TMEM117: variants seen among roughly 807,000 people sequenced by gnomAD.
TMEM117 encodes the protein transmembrane protein 117.
In TMEM117, 27 loss-of-function variants were observed where a neutral mutation model predicts 52.4. The ratio of observed to expected loss-of-function variants is 0.51; its 90% CI spans 0.38 to 0.71. The LOEUF is 0.71. Ranked by LOEUF, TMEM117 falls within the 30% of genes least tolerant of loss-of-function variation. TMEM117 has a pLI of 0.00. For missense variants in TMEM117, 556 were observed against 630.5 expected, an observed-to-expected ratio of 0.88 and a Z score of 1.26; for synonymous variants, 215 against 206.3, an observed-to-expected ratio of 1.04 and a Z score of -0.36.
At chr12:44,086,683 A>C (rs980974008) in intron 3 of TMEM117, among the ~76,000 whole-genome samples, 3 of 152,096 alleles carry the variant, frequency 2.0e-5, no homozygotes, top group African/African-American at 4.8e-5. Context: ...GATAGATCAG[A>C]GATTCAAATG....
the TMEM117 span, among the ~76,000 whole-genome samples, chr12:43,811,881 T>C: frequency 6.6e-6 from 1 of 152,358 alleles, no homozygotes; most frequent in East Asian, 1.9e-4. Context: ...AGCAGCTAAA[T>C]ATGCCTTGGT....
chr12:43,988,898 C>T (rs1432239333), intron 3 of TMEM117, among the ~76,000 whole-genome samples: 4 of 152,104 alleles, frequency 2.6e-5, no homozygotes, highest in African/African-American at 9.6e-5. Flanking sequence ...TAATTATAAG[C>T]ACCTTTTCCT....
chr12:44,248,038 G>A (rs114954669), intron 5 of TMEM117, among the ~76,000 whole-genome samples: 1,746 of 152,268 alleles, frequency 0.011, 22 homozygotes, highest in South Asian at 0.052. Flanking sequence ...TTCCAGTTTG[G>A]GTCTCAGGTT....
chr12:43,953,374 A>G (rs751460622), intron 3 of TMEM117, among the ~76,000 whole-genome samples: 1 of 152,208 alleles, frequency 6.6e-6, no homozygotes, highest in Non-Finnish European at 1.5e-5. Flanking sequence ...TACAAAGACA[A>G]GACCCACCGG....
the TMEM117 span, chr12:43,806,459 G>T: frequency 2.0e-6 from 2 of 1,005,694 alleles, no homozygotes; most frequent in Non-Finnish European, 2.5e-6. Flanking sequence ...CCCCGGCCTC[G>T]CTATCCTAGT....
intron 6 of TMEM117, among the ~76,000 whole-genome samples, chr12:44,316,071 A>G (rs1034876293): frequency 8.5e-5 from 13 of 152,126 alleles, no homozygotes; most frequent in Admixed American, 1.3e-4. Flanking sequence ...ATTTTCACTC[A>G]AGGTTAATAT....
At chr12:44,267,924 A>G (rs556713621) in intron 5 of TMEM117, among the ~76,000 whole-genome samples, 2 of 152,258 alleles carry the variant, frequency 1.3e-5, no homozygotes, top group Non-Finnish European at 2.9e-5. Flanking sequence ...GGTTGTTTCT[A>G]TGTCTCAGCT....
intron 6 of TMEM117, among the ~76,000 whole-genome samples, chr12:44,321,574 C>T (rs1380935749): frequency 1.3e-5 from 2 of 152,226 alleles, no homozygotes; most frequent in East Asian, 3.9e-4. Flanking sequence ...CTACTGCCGA[C>T]AGGGATGAAT....
chr12:44,346,956 T>G (rs957535339), intron 6 of TMEM117, among the ~76,000 whole-genome samples: 1 of 152,056 alleles, frequency 6.6e-6, no homozygotes, highest in African/African-American at 2.4e-5. Flanking sequence ...TCTAGGCCAA[T>G]GAATTAGTTT....
chr12:44,048,661 T>C (rs1946918085), intron 3 of TMEM117, among the ~76,000 whole-genome samples: 1 of 152,206 alleles, frequency 6.6e-6, no homozygotes, highest in Non-Finnish European at 1.5e-5. Context: ...TCAGAGTATG[T>C]TCAACTCCTA....
chr12:44,381,446 G>A (rs1462297073), intron 7 of TMEM117, among the ~76,000 whole-genome samples: 1 of 152,148 alleles, frequency 6.6e-6, no homozygotes, highest in Non-Finnish European at 1.5e-5. Flanking sequence ...GCTCCTCTGA[G>A]TCCTATTAAT....
intron 6 of TMEM117, among the ~76,000 whole-genome samples, chr12:44,341,174 A>G (rs1951411671): frequency 6.6e-6 from 1 of 151,874 alleles, no homozygotes; most frequent in African/African-American, 2.4e-5. Flanking sequence ...TAATTAGAAA[A>G]AAAAAATTTT....
At position 44,241,215 on chromosome 12, in the gene TMEM117, GTT is replaced by G. The variant is rs199570956; in HGVS notation, c.608+29837_608+29838del. Reference sequence around the variant, plus strand: ...TTTTAGATGTACTATTTTTTATTGTGTTTTTTTTTTATGCTTTTTTTCCAAAT... The same window carrying G: ...TTTTAGATGTACTATTTTTTATTGTGTTTTTTTTATGCTTTTTTTCCAAAT... On this transcript the variant is annotated intron_variant, in intron 5 of 7. Transcript: ENST00000266534. 1.7e-3 allele frequency among the ~76,000 whole-genome samples: 255 copies of G among 146,638 alleles called. 2 individuals carry two copies. The highest frequency in any genetic ancestry group is 5.4e-3 in the African/African-American group (219 of 40,282).
intron 6 of TMEM117, among the ~76,000 whole-genome samples, chr12:44,337,614 G>T (rs994237046): frequency 6.6e-6 from 1 of 151,878 alleles, no homozygotes; most frequent in African/African-American, 2.4e-5. Context: ...CTCCATATTT[G>T]CAAAGGACTA....
chr12:44,127,364 A>G (rs1948342595), intron 3 of TMEM117, among the ~76,000 whole-genome samples: 1 of 152,094 alleles, frequency 6.6e-6, no homozygotes, highest in Non-Finnish European at 1.5e-5. Context: ...TTGTAGATAT[A>G]GTTGACATCT....
intron 6 of TMEM117, among the ~76,000 whole-genome samples, chr12:44,355,388 G>A (rs1477737272): frequency 6.6e-6 from 1 of 151,840 alleles, no homozygotes; most frequent in South Asian, 2.1e-4. Flanking sequence ...TCTTTATCCT[G>A]GTTATTCTAC....
chr12:44,221,856 G>A (rs567397573), intron 5 of TMEM117, among the ~76,000 whole-genome samples: 42 of 151,926 alleles, frequency 2.8e-4, no homozygotes, highest in Middle Eastern at 6.8e-3. Context: ...GTGCCACCAC[G>A]CCCAGCTAAT....
chr12:44,231,373 C>G (rs1205686843), intron 5 of TMEM117, among the ~76,000 whole-genome samples: 1 of 151,086 alleles, frequency 6.6e-6, no homozygotes, highest in Non-Finnish European at 1.5e-5. Context: ...TTAAAAAAAT[C>G]CATTCTCCTC....
chr12:44,090,624 A>T (rs540529429), intron 3 of TMEM117, among the ~76,000 whole-genome samples: 1 of 151,538 alleles, frequency 6.6e-6, no homozygotes, highest in South Asian at 2.1e-4. Context: ...TTTAGTAGAG[A>T]TGCAGTTTCA....
Sources: gnomAD v4.1 joint callset for allele counts (sites outside exome capture counted in the v4.1 genomes callset) on GRCh38, gnomAD v4.1.1 for gene constraint, MANE v1.5 for transcripts, NCBI Gene and HGNC (gene_info 2026-07-23, HGNC 2026-07-21) for gene names.